The following ADAMTS20 variants were observed in gnomAD, a reference collection of about 807,000 sequenced individuals.
ADAMTS20 encodes the protein A disintegrin and metalloproteinase with thrombospondin motifs 20.
Under a neutral mutation model 260.1 loss-of-function variants are expected in ADAMTS20, and 225 were observed. The observed-to-expected ratio is 0.87, with a 90% CI of 0.78 to 0.97. The LOEUF (loss-of-function observed/expected upper bound fraction) is 0.97. ADAMTS20 is among the 50% of genes least tolerant of loss of function. The probability of loss-of-function intolerance (pLI) is 0.00; values close to 1 mark genes in which losing one functional copy is unlikely to be tolerated. For missense variants in ADAMTS20, 2,400 were observed against 2,337.7 expected, an observed-to-expected ratio of 1.03 and a Z score of -0.55; for synonymous variants, 802 against 769.5, an observed-to-expected ratio of 1.04 and a Z score of -0.70.
At chr12:43,415,881 C>A (rs1324274665) in intron 28 of ADAMTS20, among the ~76,000 whole-genome samples, 1 of 152,162 alleles carries the variant, frequency 6.6e-6, no homozygotes, top group African/African-American at 2.4e-5. Context: ...AATACAAAAT[C>A]TTGTTATGCA....
In ADAMTS20 at chr12:43,428,322, A is replaced by C; in HGVS notation, c.3864T>G (p.Thr1288=). ...SYYLSTNLPL[T]QKLEDNENQV... Reference sequence around the variant, plus strand: ...GATTTTCATTATCTTCAAGTTTTTGAGTTAATGGCAAATTCGTGCTTAGAT... The same window carrying C: ...GATTTTCATTATCTTCAAGTTTTTGCGTTAATGGCAAATTCGTGCTTAGAT... The change falls in exon 26 of 39, where the codon ACT becomes ACG. Residue 1288 remains threonine (T), a synonymous_variant. Transcript: ENST00000389420. 6.2e-7 allele frequency: 1 copy of C among 1,613,938 alleles called. No individual in the cohort carries two copies. The highest frequency in any genetic ancestry group is 8.5e-7 in the Non-Finnish European group (1 of 1,179,882).
chr12:43,545,751 G>A (rs976413112), intron 2 of ADAMTS20, among the ~76,000 whole-genome samples: 1 of 151,756 alleles, frequency 6.6e-6, no homozygotes, highest in Admixed American at 6.6e-5. Context: ...AGCCTAGGAT[G>A]CTACTACCCA....
At chr12:43,471,266 C>T (rs564375263) in intron 7 of ADAMTS20, among the ~76,000 whole-genome samples, 36 of 152,216 alleles carry the variant, frequency 2.4e-4, no homozygotes, top group Non-Finnish European at 4.6e-4. Flanking sequence ...CCGAATATTG[C>T]GCTTTTCAGA....
chr12:43,394,149 G>C (rs1296292718), intron 29 of ADAMTS20, among the ~76,000 whole-genome samples: 1 of 152,022 alleles, frequency 6.6e-6, no homozygotes, highest in Non-Finnish European at 1.5e-5. Context: ...TAATGTTGTA[G>C]AGCTGCTGAA....
intron 3 of ADAMTS20, among the ~76,000 whole-genome samples, chr12:43,517,113 G>T (rs1943009461): frequency 6.6e-6 from 1 of 151,994 alleles, no homozygotes; most frequent in Non-Finnish European, 1.5e-5. Flanking sequence ...AACATTATAT[G>T]TATTAGAAAA....
Position 43,452,312 on chromosome 12 carries a change from T to C in ADAMTS20, c.2041A>G (p.Thr681Ala), listed in dbSNP as rs918320590. ...DMVEDGTPCGTETHDICVQGQ... is the reference protein window; with the variant it reads ...DMVEDGTPCGAETHDICVQGQ... Reference sequence around the variant, plus strand: ...TGAACACAGATGTCATGAGTTTCAGTTCCACAAGGAGTACCATCTTCAACC... The same window carrying C: ...TGAACACAGATGTCATGAGTTTCAGCTCCACAAGGAGTACCATCTTCAACC... The change falls in exon 14 of 39, where the codon ACT (threonine) becomes GCT (alanine). Residue 681 changes from threonine to alanine, a missense_variant. Physicochemically the swap from Thr to Ala is moderately conservative, Grantham distance 58. Coordinates refer to ENST00000389420, the MANE Select transcript of ADAMTS20 (RefSeq NM_025003.5). 1 of 1,613,126 alleles carries C rather than the reference T, an allele frequency of 6.2e-7. No individual in the cohort carries two copies. Among genetic ancestry groups the C allele is most frequent in the South Asian group, 1.1e-5 (1 of 90,932 alleles).
intron 18 of ADAMTS20, 146 bp from the exon 19 acceptor site, chr12:43,434,517 T>C (rs1941512355): frequency 7.6e-6 from 5 of 656,868 alleles, no homozygotes; most frequent in Non-Finnish European, 1.2e-5. Context: ...ACTAGTATAT[T>C]AATCTAATGA....
At chr12:43,421,807 TA>T (rs1186559182) in intron 28 of ADAMTS20, among the ~76,000 whole-genome samples, 4 of 152,020 alleles carry the variant, frequency 2.6e-5, no homozygotes, top group African/African-American at 9.7e-5. Context: ...GAATATTATG[TA>T]AAAAATACAG....
chr12:43,456,090 C>T (rs1471962003), intron 11 of ADAMTS20, among the ~76,000 whole-genome samples: 1 of 152,056 alleles, frequency 6.6e-6, no homozygotes, highest in Non-Finnish European at 1.5e-5. Context: ...GAGGAATGGC[C>T]ACACTGTTTC....
At chr12:43,441,996 C>T (rs1310535135) in intron 16 of ADAMTS20, among the ~76,000 whole-genome samples, 1 of 152,112 alleles carries the variant, frequency 6.6e-6, no homozygotes. Flanking sequence ...ATTTAAGAAT[C>T]TGCGCTTTAT....
At chr12:43,388,368 C>A (rs984511167) in intron 29 of ADAMTS20, among the ~76,000 whole-genome samples, 1 of 152,162 alleles carries the variant, frequency 6.6e-6, no homozygotes, top group Non-Finnish European at 1.5e-5. Flanking sequence ...TACCCACTGT[C>A]TAACCAGTGA....
At chr12:43,455,430 T>C (rs61926764) in intron 11 of ADAMTS20, among the ~76,000 whole-genome samples, 18,381 of 152,170 alleles carry the variant, frequency 0.12, 1,252 homozygotes, top group Admixed American at 0.22. Flanking sequence ...GCACACTGCA[T>C]CCTCTGTAGG....
chr12:43,435,342 C>G (rs1485128662), intron 18 of ADAMTS20, among the ~76,000 whole-genome samples: 4 of 151,986 alleles, frequency 2.6e-5, no homozygotes, highest in African/African-American at 9.7e-5. Context: ...TAAAACTTCT[C>G]TAAAAAATAA....
chr12:43,357,898 T>A (rs1026853154), intron 37 of ADAMTS20, among the ~76,000 whole-genome samples: 5 of 152,188 alleles, frequency 3.3e-5, no homozygotes, highest in Non-Finnish European at 5.9e-5. Context: ...CCAGACAAAG[T>A]CGTATTTTAT....
intron 6 of ADAMTS20, among the ~76,000 whole-genome samples, chr12:43,490,656 G>C (rs1467551173): frequency 6.6e-6 from 1 of 152,004 alleles, no homozygotes; most frequent in Non-Finnish European, 1.5e-5. Flanking sequence ...GTAAATAGTT[G>C]AATCATTAAC....
In ADAMTS20 at chr12:43,375,381, T is replaced by G; in HGVS notation, c.5444A>C (p.Lys1815Thr). The change falls in exon 36 of 39, where the codon AAA becomes ACA. Residue 1815 changes from lysine (K) to threonine (T), a missense_variant and splice_region_variant. Coordinates refer to ENST00000389420, the MANE Select transcript of ADAMTS20 (RefSeq NM_025003.5). ...IRIDLTSMQI[K>T]TTDLLFSKTI... ...TAAAATATAGATTGAGCACTTACTT[T>G]TAATTTGCATGGAAGTGAGATCAAT... 6.2e-7 allele frequency: 1 copy of G among 1,611,182 alleles called. No homozygotes were observed.
Position 43,432,436 on chromosome 12 carries a change from A to G in ADAMTS20, c.2964T>C (p.Ser988=). 3 of 1,613,714 alleles carry G rather than the reference A, an allele frequency of 1.9e-6. No individual in the cohort carries two copies. Among genetic ancestry groups the G allele is most frequent in the Non-Finnish European group, 2.5e-6 (3 of 1,179,846 alleles). Residue 988 remains serine, a synonymous_variant, in exon 21 of 39, where the codon TCT becomes TCC. Transcript: ENST00000389420. ...AGTTATTCATACAATAAGATTCTCG[A>G]GACCTTTCCCCTCCTCCACAACTCC... The part of the protein sequence containing the change: ...CSRSCGGGER[S]RESYCMNNFG...
At chr12:43,537,290 A>C (rs918718698) in intron 2 of ADAMTS20, among the ~76,000 whole-genome samples, 4 of 151,884 alleles carry the variant, frequency 2.6e-5, no homozygotes, top group Non-Finnish European at 4.4e-5. Context: ...CCTGAGTTCA[A>C]GTGGTCCACC....
At chr12:43,381,780 CAAAA>C (rs765135656) in intron 31 of ADAMTS20, among the ~76,000 whole-genome samples, 1 of 34,528 alleles carries the variant, frequency 2.9e-5, no homozygotes, top group African/African-American at 1.2e-4. Flanking sequence ...GACTGCATCT[CAAAA>C]AAAAAAAAAA....
Sources: allele counts gnomAD v4.1 joint callset (sites outside exome capture counted in the v4.1 genomes callset), GRCh38; gene constraint gnomAD v4.1.1; transcripts MANE v1.5; gene names NCBI Gene and HGNC (gene_info 2026-07-23, HGNC 2026-07-21).